The following RSPH14 variants were observed in gnomAD, a reference collection of about 807,000 sequenced individuals.
RSPH14 encodes the protein radial spoke head 14 homolog, also known as rhabdoid tumor deletion region gene 1.
Under a neutral mutation model 26.7 loss-of-function variants are expected in RSPH14, and 20 were observed. The observed-to-expected ratio is 0.75, with a 90% CI of 0.53 to 1.09. The LOEUF is 1.09. Ranked by LOEUF, RSPH14 falls within the 50% of genes least tolerant of loss-of-function variation. The pLI, the probability that RSPH14 is intolerant of heterozygous loss-of-function variation, is 0.00. For missense variants in RSPH14, 449 were observed against 457.2 expected (o/e 0.98, Z 0.16); for synonymous variants, 177 against 189.3 (o/e 0.93, Z 0.53).
intron 4 of RSPH14, chr22:23,096,259 C>T (rs1262387602): frequency 6.2e-7 from 1 of 1,614,080 alleles, no homozygotes; most frequent in Non-Finnish European, 8.5e-7. Flanking sequence ...TTGTGGAGAA[C>T]AAGTTCACCT....
chr22:23,077,678 G>A (rs1011386456), intron 4 of RSPH14, among the ~76,000 whole-genome samples: 10 of 152,198 alleles, frequency 6.6e-5, no homozygotes, highest in African/African-American at 1.7e-4. Flanking sequence ...TGTGGGGCCC[G>A]GTGGTCCTGT....
chr22:23,095,974 C>G, intron 4 of RSPH14: 1 of 1,611,162 alleles, frequency 6.2e-7, no homozygotes, highest in East Asian at 2.2e-5. Context: ...CCCTCAGGAT[C>G]GACTTCCACA....
chr22:23,146,527 G>T, upstream of RSPH14: 2 of 1,553,178 alleles, frequency 1.3e-6, no homozygotes, highest in African/African-American at 2.7e-5. Flanking sequence ...CTGATGAAAA[G>T]TTAGGTGGAA....
chr22:23,146,573 C>G (rs2070786190), upstream of RSPH14: 1 of 1,610,510 alleles, frequency 6.2e-7, no homozygotes, highest in Non-Finnish European at 8.5e-7. Flanking sequence ...TGCACAGCTC[C>G]TTAACTGTCT....
chr22:23,166,359 T>TG, the RSPH14 span, among the ~76,000 whole-genome samples: 7 of 23,938 alleles, frequency 2.9e-4, no homozygotes, highest in East Asian at 1.4e-3. Flanking sequence ...GGGGCCAATA[T>TG]GGGGGGGTGG....
the RSPH14 span, chr22:23,164,165 C>G: frequency 6.6e-6 from 1 of 152,390 alleles, no homozygotes; most frequent in Non-Finnish European, 1.5e-5. Context: ...GACGGGAGAA[C>G]CTGCCCATGG....
chr22:23,111,118 A>G (rs1057229305), intron 4 of RSPH14, among the ~76,000 whole-genome samples: 2 of 152,136 alleles, frequency 1.3e-5, no homozygotes, highest in African/African-American at 4.8e-5. Flanking sequence ...GGAATGACTC[A>G]TGCCTCCTCC....
intron 4 of RSPH14, among the ~76,000 whole-genome samples, chr22:23,132,480 C>T (rs183831363): frequency 1.1e-4 from 16 of 152,252 alleles, no homozygotes; most frequent in Middle Eastern, 3.4e-3. Flanking sequence ...GCCTCTGGGA[C>T]GGGCCTTCTT....
At chr22:23,095,811 T>G in intron 4 of RSPH14, 1 of 1,613,518 alleles carries the variant, frequency 6.2e-7, no homozygotes, top group Non-Finnish European at 8.5e-7. Context: ...CTGCTCCTGC[T>G]GGGCACCAGC....
chr22:23,159,335 C>A, the RSPH14 span: 1 of 1,309,102 alleles, frequency 7.6e-7, no homozygotes, highest in South Asian at 1.4e-5. Context: ...TGCAGTGTTT[C>A]CCTCTGTAGC....
chr22:23,180,199 A>G, the RSPH14 span: 1 of 224,392 alleles, frequency 4.5e-6, no homozygotes. Flanking sequence ...GAGGGGAGCC[A>G]AGTGTTCCTG....
At chr22:23,112,134 G>A (rs956414190) in intron 4 of RSPH14, among the ~76,000 whole-genome samples, 4 of 152,090 alleles carry the variant, frequency 2.6e-5, no homozygotes, top group Admixed American at 2.6e-4. Context: ...TCTTCACCCC[G>A]CAGCCCAAAG....
At chr22:23,117,595 CAGTG>C (rs1295779063) in intron 4 of RSPH14, among the ~76,000 whole-genome samples, 1 of 152,258 alleles carries the variant, frequency 6.6e-6, no homozygotes, top group Non-Finnish European at 1.5e-5. Context: ...AGGCGAATCA[CAGTG>C]GGTGTGGCGT....
chr22:23,147,340 CT>C (rs917877071), upstream of RSPH14, among the ~76,000 whole-genome samples: 11 of 145,644 alleles, frequency 7.6e-5, no homozygotes, highest in African/African-American at 1.5e-4. Context: ...TTTCTTTTTT[CT>C]TTTTTTTTTA....
chr22:23,161,820 T>C, the RSPH14 span: 2 of 502,288 alleles, frequency 4.0e-6, no homozygotes, highest in East Asian at 7.3e-5. Flanking sequence ...GGCACTGTGG[T>C]GATCCCATAA....
upstream of RSPH14, chr22:23,145,240 T>TA: frequency 1.2e-6 from 1 of 837,032 alleles, no homozygotes; most frequent in South Asian, 1.5e-5. Flanking sequence ...CGGGCCTCCA[T>TA]AGCCCCGCCC....
At chr22:23,124,358 G>C (rs1192631227) in intron 4 of RSPH14, 1 of 444,002 alleles carries the variant, frequency 2.3e-6, no homozygotes, top group Non-Finnish European at 4.7e-6. Flanking sequence ...CTGGCTTGCT[G>C]AGTGTAAAAG....
the RSPH14 span, chr22:23,150,282 A>C: frequency 1.5e-6 from 1 of 662,138 alleles, no homozygotes; most frequent in Non-Finnish European, 2.6e-6. Flanking sequence ...CCTGAAGATG[A>C]CTGGGGTTTT....
chr22:23,080,832 C>G (rs1042294053), intron 4 of RSPH14, among the ~76,000 whole-genome samples: 1 of 152,212 alleles, frequency 6.6e-6, no homozygotes, highest in African/African-American at 2.4e-5. Context: ...GCGCAAAAAC[C>G]CTTTTTACCT....
Sources: gnomAD v4.1 joint callset for allele counts (sites outside exome capture counted in the v4.1 genomes callset) on GRCh38, gnomAD v4.1.1 for gene constraint, MANE v1.5 for transcripts, NCBI Gene and HGNC (gene_info 2026-07-23, HGNC 2026-07-21) for gene names.